Variants in PHF7 observed in about 807,000 individuals in gnomAD.
The protein encoded by PHF7 is PHD finger protein 7.
In PHF7, 24 loss-of-function variants were observed where a neutral mutation model predicts 47.5. That is an observed-to-expected ratio of 0.51 (90% CI 0.37 to 0.71). PHF7 has a LOEUF of 0.71. Ranked by LOEUF, PHF7 falls within the 30% of genes least tolerant of loss-of-function variation. The pLI is 0.00. For missense variants in PHF7, 361 were observed against 456.8 expected, an observed-to-expected ratio of 0.79 and a Z score of 1.91; for synonymous variants, 156 against 153.8, an observed-to-expected ratio of 1.01 and a Z score of -0.11.
chr3:52,414,604 C>G lies in PHF7; in HGVS notation c.186+17C>G. On this transcript the variant is annotated intron_variant, in intron 4 of 10. Coordinates refer to ENST00000327906, the MANE Select transcript of PHF7 (RefSeq NM_016483.7). ...TTCTGTCTTGTGAGTATGAGGCCTC[C>G]TTTGCTTTGAATATCCTATGGCTTT... 2 of 1,477,648 alleles carry G rather than the reference C, an allele frequency of 1.4e-6. No homozygotes were observed. The highest frequency in any genetic ancestry group is 4.6e-5 in the East Asian group (2 of 43,804). 91.5% of individuals were successfully genotyped at this position (1,477,648 alleles called of 1,614,324 possible).
chr3:52,420,250 CT>C, intron 5 of PHF7, 60 bp from the exon 6 acceptor site: 1 of 1,562,000 alleles, frequency 6.4e-7, no homozygotes, highest in Non-Finnish European at 8.8e-7. Context: ...GAAAGATGTG[CT>C]ACACTGTGTG....
intron 4 of PHF7, among the ~76,000 whole-genome samples, chr3:52,416,132 C>T (rs1423012474): frequency 3.3e-5 from 5 of 149,932 alleles, no homozygotes; most frequent in African/African-American, 1.2e-4. Context: ...TTTCTGATGA[C>T]TAAAGCTTCT....
In PHF7 at chr3:52,421,046, A is replaced by G; in HGVS notation, c.557A>G (p.His186Arg). The G allele has an allele frequency of 6.2e-7, 1 of 1,611,176 alleles. No homozygotes were observed. Among genetic ancestry groups the G allele is most frequent in the Non-Finnish European group, 8.5e-7 (1 of 1,178,728 alleles). Residue 186 changes from histidine (H) to arginine (R), a missense_variant, in exon 7 of 11, where the codon CAC becomes CGC. Transcript: ENST00000327906. Reference protein sequence around the residue: ...QSPCCSQAIYHRKCIQKYAHT... With the variant: ...QSPCCSQAIYRRKCIQKYAHT... ...CCGTGTTGTAGTCAAGCCATCTACC[A>G]CCGCAAGTGCATACAGGTGGGGCTT...
rs919014832 is a variant in PHF7, at chr3:52,414,862, A to T, written c.186+275A>T. 6 of 160,360 alleles carry T rather than the reference A, an allele frequency of 3.7e-5. 1 individual carries two copies. Among genetic ancestry groups the T allele is most frequent in the East Asian group, 3.7e-4 (2 of 5,452 alleles). The allele number at this position is 160,360 out of a possible 1,614,324, so 9.9% of individuals were successfully genotyped here. A position where few individuals can be genotyped will look rare whatever the true frequency, so the allele number is the denominator to read the frequency against. On this transcript the variant is annotated intron_variant, in intron 4 of 10. Transcript: ENST00000327906. Reference sequence around the variant, plus strand: ...AAAAAATTAAAAAAAAAAAAAAAAAAGCTGGGTATAGTGACAAATGCCACT... The same window carrying T: ...AAAAAATTAAAAAAAAAAAAAAAAATGCTGGGTATAGTGACAAATGCCACT...
chr3:52,419,790 A>G (rs573325976), intron 4 of PHF7, 43 bp from the exon 5 acceptor site: 4 of 1,094,078 alleles, frequency 3.7e-6, no homozygotes, highest in Non-Finnish European at 5.5e-6. Flanking sequence ...GCACTGTTTC[A>G]CTGATCATCA....
chr3:52,413,987 C>G lies in PHF7; in HGVS notation c.42-9C>G. The G allele has an allele frequency of 6.3e-7, 1 of 1,592,468 alleles. No homozygotes were observed. Among genetic ancestry groups the G allele is most frequent in the Non-Finnish European group, 8.6e-7 (1 of 1,160,506 alleles). On this transcript the variant is annotated splice_polypyrimidine_tract_variant and intron_variant, in intron 2 of 10. Coordinates refer to ENST00000327906, the MANE Select transcript of PHF7 (RefSeq NM_016483.7). ...AGAACACCTTGTGCTTCTTATTTCT[C>G]TTGTATAGAAAATCTGCCAAGACTA...
intron 1 of PHF7, among the ~76,000 whole-genome samples, chr3:52,412,345 G>A (rs1485089699): frequency 6.6e-6 from 1 of 152,194 alleles, no homozygotes; most frequent in Non-Finnish European, 1.5e-5. Context: ...AGCTTTCACT[G>A]GGTAGAATTA....
At chr3:52,421,133 G>C in intron 7 of PHF7, 71 bp downstream of exon 7, 1 of 1,365,412 alleles carries the variant, frequency 7.3e-7, no homozygotes, top group Non-Finnish European at 1.0e-6. Context: ...GAGAACCCTG[G>C]GAATGCTCAG....
intron 6 of PHF7, 85 bp downstream of exon 6, chr3:52,420,520 G>A: frequency 7.4e-7 from 1 of 1,350,994 alleles, no homozygotes; most frequent in South Asian, 1.2e-5. Flanking sequence ...GTTCTCACAA[G>A]CAGGCCTGTT....
chr3:52,414,655 A>G, intron 4 of PHF7, 68 bp downstream of exon 4: 1 of 827,724 alleles, frequency 1.2e-6, no homozygotes. Context: ...TCTCTGTTAC[A>G]TTCATCCTCA....
intron 1 of PHF7, among the ~76,000 whole-genome samples, chr3:52,411,582 A>G (rs1705436844): frequency 6.6e-6 from 1 of 152,220 alleles, no homozygotes; most frequent in Admixed American, 6.5e-5. Flanking sequence ...ATCGGAGGCC[A>G]TGGATACTGG....
chr3:52,422,657 G>C, intron 9 of PHF7, 103 bp from the exon 10 acceptor site: 1 of 1,211,270 alleles, frequency 8.3e-7, no homozygotes, highest in South Asian at 1.3e-5. Context: ...CATTCATCTT[G>C]GGTAAAATGT....
chr3:52,417,616 A>G (rs1705663827), intron 4 of PHF7, among the ~76,000 whole-genome samples: 2 of 152,144 alleles, frequency 1.3e-5, no homozygotes, highest in Non-Finnish European at 2.9e-5. Flanking sequence ...ATTTTTGTAT[A>G]TTGATTTGTA....
chr3:52,414,228 A>G (rs1303566684), intron 3 of PHF7, among the ~76,000 whole-genome samples, 180 bp downstream of exon 3: 7 of 152,224 alleles, frequency 4.6e-5, no homozygotes. Context: ...GAAGTTCAAG[A>G]AACAAGTTAT....
chr3:52,414,626 C>A, intron 4 of PHF7, 39 bp downstream of exon 4: 1 of 1,201,956 alleles, frequency 8.3e-7, no homozygotes, highest in Non-Finnish European at 1.2e-6. Flanking sequence ...TATCCTATGG[C>A]TTTTGGTGTA....
intron 9 of PHF7, 41 bp from the exon 10 acceptor site, chr3:52,422,719 T>G: frequency 6.2e-7 from 1 of 1,612,012 alleles, no homozygotes; most frequent in Non-Finnish European, 8.5e-7. Flanking sequence ...GCAGTTGGTG[T>G]TCTGTATGTC....
At position 52,423,385 on chromosome 3, in the gene PHF7, A is replaced by T. The variant is rs117864462; in HGVS notation, c.*68A>T. 853 of 1,004,304 alleles carry T rather than the reference A, an allele frequency of 8.5e-4. 8 individuals are homozygous for T. The East Asian group carries it at 0.018, about 22-fold the overall frequency. 62.2% of individuals were successfully genotyped at this position (1,004,304 alleles called of 1,614,324 possible). A position where few individuals can be genotyped will look rare whatever the true frequency, so the allele number is the denominator to read the frequency against. ...CTGCGCTCCTCCATCGGGTTTGGGG[A>T]GGGAGCACTCTGGGACTGTGAGACA... On this transcript the variant is annotated 3_prime_UTR_variant, in exon 11 of 11. Transcript: ENST00000327906.
chr3:52,416,369 A>G (rs1705624883), intron 4 of PHF7, among the ~76,000 whole-genome samples: 1 of 150,898 alleles, frequency 6.6e-6, no homozygotes, highest in Non-Finnish European at 1.5e-5. Flanking sequence ...TATTTTTAGT[A>G]GAGACAGGGT....
At position 52,421,079 on chromosome 3, in the gene PHF7, C is replaced by T. The variant is rs1185544192; in HGVS notation, c.573+17C>T. 5.7e-6 allele frequency: 9 copies of T among 1,586,738 alleles called. No homozygotes were observed. The East Asian group carries it at 2.1e-4, about 36-fold the overall frequency. ...TGCATACAGGTGGGGCTTTTTCCGCCCTGGGTCCCTTCCACCATTGCCCTA... is the reference window on the plus strand; with the variant it reads ...TGCATACAGGTGGGGCTTTTTCCGCTCTGGGTCCCTTCCACCATTGCCCTA... On this transcript the variant is annotated intron_variant, in intron 7 of 10. Coordinates refer to ENST00000327906, the MANE Select transcript of PHF7 (RefSeq NM_016483.7).
Sources: allele counts gnomAD v4.1 joint callset (sites outside exome capture counted in the v4.1 genomes callset), GRCh38; gene constraint gnomAD v4.1.1; transcripts MANE v1.5; gene names NCBI Gene and HGNC (gene_info 2026-07-23, HGNC 2026-07-21).